The following ADGRL3 variants were observed in gnomAD, a reference collection of about 807,000 sequenced individuals.
ADGRL3 encodes adhesion G protein-coupled receptor L3.
A neutral mutation model predicts 153.5 loss-of-function variants in ADGRL3; 62 were observed. That is an observed-to-expected ratio of 0.40 (90% CI 0.33 to 0.50). The LOEUF (loss-of-function observed/expected upper bound fraction) is 0.50, where lower values mean the gene tolerates loss of function less well. Ranked by LOEUF, ADGRL3 falls within the 20% of genes least tolerant of loss-of-function variation. The pLI is 0.47. For missense variants in ADGRL3, 1,641 were observed against 1,859.4 expected (o/e 0.88, Z 2.16); for synonymous variants, 710 against 672.5 (o/e 1.06, Z -0.86).
intron 5 of ADGRL3, 115 bp from the exon 6 acceptor site, chr4:61,676,711 A>G (rs1011973315): frequency 2.7e-6 from 2 of 754,332 alleles, no homozygotes; most frequent in African/African-American, 3.5e-5. Context: ...CCCCAAATTA[A>G]GCAAAACCTT....
At chr4:61,648,506 T>A (rs566467563) in intron 5 of ADGRL3, among the ~76,000 whole-genome samples, 3 of 149,806 alleles carry the variant, frequency 2.0e-5, no homozygotes, top group African/African-American at 7.3e-5. Context: ...CAGATTAATT[T>A]GCATTAGGAA....
rs571428465 is a variant in ADGRL3, at chr4:61,421,122, C to G, written c.-174+37933C>G. Among the ~76,000 whole-genome samples the G allele has an allele frequency of 7.2e-5, 11 of 152,200 alleles. 1 individual carries two copies. The South Asian group carries it at 1.9e-3, about 26-fold the overall frequency. ...GGCCGAGGTGGGCGGATCACGAGGTCAGGAGATCGAGACCATCCTGGCTAA... is the reference window on the plus strand; with the variant it reads ...GGCCGAGGTGGGCGGATCACGAGGTGAGGAGATCGAGACCATCCTGGCTAA... On this transcript the variant is annotated intron_variant, in intron 2 of 26. Transcript: ENST00000683033.
At position 61,298,599 on chromosome 4, in the gene ADGRL3, C is replaced by A. The variant is rs1376930269; in HGVS notation, c.-239-84525C>A. Among the ~76,000 whole-genome samples the A allele has an allele frequency of 3.3e-5, 5 of 152,016 alleles. No individual in the cohort carries two copies. In the East Asian group the frequency reaches 7.7e-4, roughly 23 times the overall value. On this transcript the variant is annotated intron_variant, in intron 1 of 26. Transcript: ENST00000683033. The stretch of plus-strand genomic sequence containing the variant: ...AATCAGTCATTATGTCAGCAGCTGC[C>A]CAGGGAGGCTTACTTCAATTCATTC...
At position 61,795,278 on chromosome 4, in the gene ADGRL3, C is replaced by G. The variant is rs543799166; in HGVS notation, c.1400-18531C>G. The stretch of plus-strand genomic sequence containing the variant: ...GAATGAGTGGGACTACAGGCACAAT[C>G]CACTATGCCCAGCTAATATTTATTT... On this transcript the variant is annotated intron_variant, in intron 8 of 26. Coordinates refer to ENST00000683033, the MANE Select transcript of ADGRL3 (RefSeq NM_001387552.1). Among the ~76,000 whole-genome samples the G allele has an allele frequency of 8.5e-5, 13 of 152,252 alleles. No individual in the cohort carries two copies. In the East Asian group the frequency reaches 2.5e-3, roughly 30 times the overall value.
chr4:61,403,722 G>A (rs143033278), intron 2 of ADGRL3, among the ~76,000 whole-genome samples: 209 of 152,144 alleles, frequency 1.4e-3, no homozygotes, highest in Non-Finnish European at 2.4e-3. Context: ...TGAAACGGGT[G>A]TTTGAAGTTG....
At chr4:61,852,419 A>G (rs1019071062) in intron 9 of ADGRL3, among the ~76,000 whole-genome samples, 1 of 152,060 alleles carries the variant, frequency 6.6e-6, no homozygotes, top group East Asian at 1.9e-4. Context: ...GGCTCAAGCC[A>G]TTCTCGTGCC....
intron 13 of ADGRL3, among the ~76,000 whole-genome samples, chr4:61,914,380 C>A (rs534874093): frequency 6.6e-6 from 1 of 152,192 alleles, no homozygotes; most frequent in East Asian, 1.9e-4. Flanking sequence ...GACAAACATA[C>A]AAATTTATTT....
chr4:61,335,612 G>T (rs548113943), intron 1 of ADGRL3, among the ~76,000 whole-genome samples: 4 of 152,262 alleles, frequency 2.6e-5, no homozygotes, highest in Admixed American at 2.0e-4. Flanking sequence ...CACAAAAAGG[G>T]AGAGATTTGA....
chr4:61,702,720 T>C (rs2095790159), intron 6 of ADGRL3, among the ~76,000 whole-genome samples: 1 of 152,164 alleles, frequency 6.6e-6, no homozygotes, highest in South Asian at 2.1e-4. Context: ...TCCCTTTGGG[T>C]ACAGTTATTG....
chr4:61,936,695 G>A (rs143728113), intron 15 of ADGRL3, among the ~76,000 whole-genome samples: 5 of 151,592 alleles, frequency 3.3e-5, no homozygotes, highest in African/African-American at 1.2e-4. Flanking sequence ...ATAGATGTGT[G>A]TGTATATATA....
chr4:61,711,146 A>G (rs772527686), intron 6 of ADGRL3, among the ~76,000 whole-genome samples: 28 of 152,214 alleles, frequency 1.8e-4, no homozygotes, highest in Middle Eastern at 6.8e-3. Context: ...AATTGGAAAT[A>G]CCATTTTGGA....
At chr4:61,794,368 A>G (rs1174974083) in intron 8 of ADGRL3, among the ~76,000 whole-genome samples, 3 of 152,192 alleles carry the variant, frequency 2.0e-5, no homozygotes, top group Non-Finnish European at 4.4e-5. Context: ...TTTTCACTGT[A>G]GTAGCTTATG....
intron 4 of ADGRL3, among the ~76,000 whole-genome samples, chr4:61,580,518 G>A (rs964605510): frequency 6.6e-6 from 1 of 152,020 alleles, no homozygotes; most frequent in Admixed American, 6.6e-5. Flanking sequence ...TTGGTTCTGG[G>A]CTGTATTGGA....
intron 1 of ADGRL3, among the ~76,000 whole-genome samples, chr4:61,344,023 A>T (rs971489788): frequency 6.6e-6 from 1 of 152,220 alleles, no homozygotes; most frequent in Admixed American, 6.5e-5. Context: ...TTTATGCAGC[A>T]TATCACCCAC....
intron 9 of ADGRL3, among the ~76,000 whole-genome samples, chr4:61,890,972 A>G (rs2098578412): frequency 6.6e-6 from 1 of 152,140 alleles, no homozygotes; most frequent in South Asian, 2.1e-4. Context: ...TATTAGAGAC[A>G]TTTTTATTGT....
chr4:61,856,186 A>T (rs1353535565), intron 9 of ADGRL3, among the ~76,000 whole-genome samples: 1 of 152,146 alleles, frequency 6.6e-6, no homozygotes, highest in Admixed American at 6.5e-5. Flanking sequence ...TGGGCAACAT[A>T]GCCAGACTCC....
In ADGRL3 at chr4:62,072,425, CT is replaced by C. The variant is rs1745980165; in HGVS notation, c.*1518del. ...AACTTGTTTGCCAACCAATAAACAA[CT>C]GATTGAGATTTAGAAGATATTGTAT... On this transcript the variant is annotated 3_prime_UTR_variant, in exon 27 of 27. Transcript: ENST00000683033. 1 of 152,424 alleles carries C rather than the reference CT, an allele frequency of 6.6e-6. No homozygotes were observed. Among genetic ancestry groups the C allele is most frequent in the South Asian group, 2.1e-4 (1 of 4,822 alleles). The allele number at this position is 152,424 out of a possible 1,614,324, so 9.4% of individuals were successfully genotyped here. A position where few individuals can be genotyped will look rare whatever the true frequency, so the allele number is the denominator to read the frequency against.
At chr4:61,812,076 A>C (rs1236534339) in intron 8 of ADGRL3, among the ~76,000 whole-genome samples, 1 of 152,230 alleles carries the variant, frequency 6.6e-6, no homozygotes, top group Non-Finnish European at 1.5e-5. Flanking sequence ...TTAAAAATAG[A>C]AATGTCTTTG....
chr4:61,768,052 C>T (rs1435835021), intron 8 of ADGRL3, among the ~76,000 whole-genome samples: 1 of 151,992 alleles, frequency 6.6e-6, no homozygotes, highest in Non-Finnish European at 1.5e-5. Flanking sequence ...TGTAAAGTGT[C>T]TCAGGGTTGC....
Sources: allele counts gnomAD v4.1 joint callset (sites outside exome capture counted in the v4.1 genomes callset), GRCh38; gene constraint gnomAD v4.1.1; transcripts MANE v1.5; gene names NCBI Gene and HGNC (gene_info 2026-07-23, HGNC 2026-07-21).